The following TMEM117 variants were observed in gnomAD, a reference collection of about 807,000 sequenced individuals.
TMEM117 encodes transmembrane protein 117.
Under a neutral mutation model 52.4 loss-of-function variants are expected in TMEM117, and 27 were observed. The ratio of observed to expected loss-of-function variants is 0.51; its 90% CI spans 0.38 to 0.71. The LOEUF is 0.71. Ranked by LOEUF, TMEM117 falls within the 30% of genes least tolerant of loss-of-function variation. The probability of loss-of-function intolerance (pLI) is 0.00; values close to 1 mark genes in which losing one functional copy is unlikely to be tolerated. For synonymous variants in TMEM117, 215 were observed against 206.3 expected, an observed-to-expected ratio of 1.04 and a Z score of -0.36; for missense variants, 556 against 630.5, an observed-to-expected ratio of 0.88 and a Z score of 1.26.
chr12:44,356,575 A>G (rs545624700), intron 6 of TMEM117, among the ~76,000 whole-genome samples: 1 of 152,158 alleles, frequency 6.6e-6, no homozygotes, highest in African/African-American at 2.4e-5. Flanking sequence ...CCACCTGAAG[A>G]TGTTATTACC....
chr12:44,243,178 A>G (rs150764452), intron 5 of TMEM117, among the ~76,000 whole-genome samples: 4 of 151,966 alleles, frequency 2.6e-5, no homozygotes, highest in African/African-American at 2.4e-5. Context: ...TGCCTAGTTC[A>G]CAGATATTTC....
intron 4 of TMEM117, among the ~76,000 whole-genome samples, chr12:44,164,720 T>G (rs1948941853): frequency 6.6e-6 from 1 of 152,166 alleles, no homozygotes; most frequent in Admixed American, 6.5e-5. Context: ...AGGGGGCAAT[T>G]GAGGCAGAAG....
intron 2 of TMEM117, among the ~76,000 whole-genome samples, chr12:43,871,093 GT>G (rs1180740349): frequency 1.4e-4 from 21 of 146,774 alleles, no homozygotes; most frequent in African/African-American, 4.1e-4. Flanking sequence ...CCTTCTTTTT[GT>G]TTTTTTTTTT....
At chr12:44,061,613 A>G (rs932907843) in intron 3 of TMEM117, among the ~76,000 whole-genome samples, 1 of 152,154 alleles carries the variant, frequency 6.6e-6, no homozygotes, top group Non-Finnish European at 1.5e-5. Context: ...TAACACTACA[A>G]AATCCAGGAT....
chr12:44,109,567 T>C (rs1197318891), intron 3 of TMEM117, among the ~76,000 whole-genome samples: 1 of 28,802 alleles, frequency 3.5e-5, no homozygotes, highest in Non-Finnish European at 5.5e-5. Context: ...TTGATCTATA[T>C]CTCTGTTTTG....
chr12:44,336,386 G>A (rs111635300), intron 6 of TMEM117, among the ~76,000 whole-genome samples: 27 of 152,070 alleles, frequency 1.8e-4, no homozygotes, highest in African/African-American at 3.6e-4. Flanking sequence ...ACTATTATGC[G>A]TGTATTTCAT....
At chr12:43,797,155 A>C in the TMEM117 span, 1 of 1,513,508 alleles carries the variant, frequency 6.6e-7, no homozygotes, top group Non-Finnish European at 9.0e-7. Flanking sequence ...ACTTCATAAA[A>C]CTACATATAT....
downstream of TMEM117, among the ~76,000 whole-genome samples, chr12:44,390,862 T>C (rs1952158160): frequency 1.3e-5 from 2 of 152,050 alleles, no homozygotes; most frequent in Admixed American, 1.3e-4. Context: ...TAAAATGAAA[T>C]AAACTAAAAA....
intron 2 of TMEM117, among the ~76,000 whole-genome samples, chr12:43,906,503 G>A (rs938537830): frequency 3.3e-5 from 5 of 151,440 alleles, no homozygotes; most frequent in African/African-American, 4.8e-5. Context: ...CAAGATGGCC[G>A]AATAGGAACA....
intron 3 of TMEM117, among the ~76,000 whole-genome samples, chr12:44,058,479 C>T (rs1450541758): frequency 6.6e-6 from 1 of 152,118 alleles, no homozygotes; most frequent in Non-Finnish European, 1.5e-5. Context: ...TCTTCAATAT[C>T]CATTTAAAAA....
At chr12:44,183,405 G>C (rs1271711539) in intron 4 of TMEM117, among the ~76,000 whole-genome samples, 2 of 152,158 alleles carry the variant, frequency 1.3e-5, no homozygotes, top group Non-Finnish European at 1.5e-5. Context: ...ACATGAAGCT[G>C]GGTGTGATTA....
intron 6 of TMEM117, among the ~76,000 whole-genome samples, chr12:44,327,900 A>T (rs1299123591): frequency 2.6e-5 from 4 of 152,154 alleles, no homozygotes; most frequent in Non-Finnish European, 5.9e-5. Flanking sequence ...CTGGCTAGTG[A>T]GCTGTCATGG....
chr12:43,861,408 T>C (rs1217197571), intron 2 of TMEM117, among the ~76,000 whole-genome samples: 3 of 152,216 alleles, frequency 2.0e-5, no homozygotes, highest in African/African-American at 7.2e-5. Flanking sequence ...AAATGACTCT[T>C]ATCTGTTTTT....
chr12:44,046,569 G>GA lies in TMEM117; in HGVS notation c.411-96949dup, dbSNP rs531357504. Among the ~76,000 whole-genome samples, 55 of 152,188 alleles carry GA rather than the reference G, an allele frequency of 3.6e-4. No homozygotes were observed. In the East Asian group the frequency reaches 7.2e-3, roughly 20 times the overall value. ...TGGAGGTTTGGGTCACTTCACCAGG[G>GA]AAAAAAACCACGACCTGCCAAGGTG... On this transcript the variant is annotated intron_variant, in intron 3 of 7. Coordinates refer to ENST00000266534, the MANE Select transcript of TMEM117 (RefSeq NM_032256.3).
At chr12:44,168,721 A>G (rs199930026) in intron 4 of TMEM117, among the ~76,000 whole-genome samples, 1 of 152,204 alleles carries the variant, frequency 6.6e-6, no homozygotes, top group East Asian at 1.9e-4. Context: ...ATAACATAAA[A>G]TTTACCATTT....
chr12:43,885,046 A>T (rs1943966640), intron 2 of TMEM117, among the ~76,000 whole-genome samples: 1 of 152,186 alleles, frequency 6.6e-6, no homozygotes, highest in African/African-American at 2.4e-5. Context: ...ATGTCTTGGT[A>T]AATTATTCTA....
chr12:44,339,554 G>A (rs1204022573), intron 6 of TMEM117, among the ~76,000 whole-genome samples: 1 of 151,872 alleles, frequency 6.6e-6, no homozygotes, highest in African/African-American at 2.4e-5. Context: ...TTTCAGAAAG[G>A]TAATGGTTAT....
At chr12:44,014,000 A>G (rs73087667) in intron 3 of TMEM117, among the ~76,000 whole-genome samples, 8,918 of 152,248 alleles carry the variant, frequency 0.059, 396 homozygotes, top group African/African-American at 0.12. Flanking sequence ...AAACCTAACA[A>G]ACTTTCAGGG....
chr12:44,072,241 A>T (rs879416713), intron 3 of TMEM117, among the ~76,000 whole-genome samples: 3 of 152,062 alleles, frequency 2.0e-5, no homozygotes, highest in Non-Finnish European at 2.9e-5. Context: ...GAGGCAACAT[A>T]CAGCATGCTT....
Sources: gnomAD v4.1 joint callset for allele counts (sites outside exome capture counted in the v4.1 genomes callset) on GRCh38, gnomAD v4.1.1 for gene constraint, MANE v1.5 for transcripts, NCBI Gene and HGNC (gene_info 2026-07-23, HGNC 2026-07-21) for gene names.